SPAG17: variants seen among roughly 807,000 people sequenced by gnomAD.
SPAG17 encodes the protein sperm associated antigen 17.
SPAG17 carries 169 observed loss-of-function variants against 273.6 expected under a neutral mutation model. That is an observed-to-expected ratio of 0.62 (90% CI 0.55 to 0.70). The LOEUF (loss-of-function observed/expected upper bound fraction) is 0.70. Among genes scored for constraint, SPAG17 ranks in the 30% least tolerant of loss-of-function variants. SPAG17 has a pLI of 0.00. For missense variants in SPAG17, 2,557 were observed against 2,627.8 expected, an observed-to-expected ratio of 0.97 and a Z score of 0.59; for synonymous variants, 825 against 873.2, an observed-to-expected ratio of 0.94 and a Z score of 0.97.
intron 20 of SPAG17, among the ~76,000 whole-genome samples, chr1:118,048,914 A>C (rs559815316): frequency 6.6e-6 from 1 of 152,280 alleles, no homozygotes; most frequent in African/African-American, 2.4e-5. Flanking sequence ...AAAAATAAAA[A>C]ATAAAATACA....
chr1:118,081,058 TACACACAC>T (rs56768861), intron 15 of SPAG17, 35 bp downstream of exon 15: 24,733 of 1,131,138 alleles, frequency 0.022, 15 homozygotes, highest in Non-Finnish European at 0.025. Context: ...AATAGTGTCT[TACACACAC>T]ACACACACAC....
chr1:118,097,933 CATTGCAAGATAT>C, intron 6 of SPAG17, 82 bp from the exon 7 acceptor site: 3 of 912,606 alleles, frequency 3.3e-6, no homozygotes, highest in South Asian at 1.9e-5. Context: ...GAGTCATATG[CATTGCAAGATAT>C]CTGTACAGTA....
chr1:118,059,734 CATATG>C (rs1436255890), intron 18 of SPAG17, among the ~76,000 whole-genome samples: 4 of 152,056 alleles, frequency 2.6e-5, no homozygotes, highest in East Asian at 1.9e-4. Context: ...AAGCCTATTT[CATATG>C]ATATAAGTGT....
chr1:117,964,143 C>T lies in SPAG17; in HGVS notation c.6533-205G>A, dbSNP rs991182668. 15 of 486,828 alleles carry T rather than the reference C, an allele frequency of 3.1e-5. 1 individual carries two copies. The highest frequency in any genetic ancestry group is 4.4e-5 in the Non-Finnish European group (12 of 272,730). The allele number at this position is 486,828 out of a possible 1,614,324, so 30.2% of individuals were successfully genotyped here. The stretch of plus-strand genomic sequence containing the variant: ...ATGTCTAGAATGTCTTCTGTTCTCC[C>T]TAGTGTACATTTCTCTCCTAACTGT... On this transcript the variant is annotated intron_variant, in intron 47 of 48. Coordinates refer to ENST00000336338, the MANE Select transcript of SPAG17 (RefSeq NM_206996.4).
At chr1:118,142,838 T>A (rs913473875) in intron 3 of SPAG17, among the ~76,000 whole-genome samples, 1 of 152,218 alleles carries the variant, frequency 6.6e-6, no homozygotes, top group Admixed American at 6.5e-5. Flanking sequence ...ACTAGGTATA[T>A]CGCTCACCAA....
intron 31 of SPAG17, among the ~76,000 whole-genome samples, chr1:118,006,610 G>T (rs1191997527): frequency 2.0e-5 from 3 of 152,156 alleles, no homozygotes; most frequent in Non-Finnish European, 2.9e-5. Context: ...ACCTAGGAGT[G>T]GAATTGCTGG....
intron 4 of SPAG17, among the ~76,000 whole-genome samples, chr1:118,104,791 A>G (rs1323619366): frequency 6.6e-6 from 1 of 152,198 alleles, no homozygotes; most frequent in East Asian, 1.9e-4. Flanking sequence ...GGAAAATAGG[A>G]GGGCAGTATC....
At chr1:118,010,809 T>A (rs566195782) in intron 30 of SPAG17, among the ~76,000 whole-genome samples, 1 of 152,070 alleles carries the variant, frequency 6.6e-6, no homozygotes, top group Admixed American at 6.6e-5. Flanking sequence ...ATATACAAAC[T>A]ATGCATCTGA....
In SPAG17 at chr1:118,058,482, TAGGCATGAGCCACTGGGC is replaced by T. The variant is rs575977746; in HGVS notation, c.2541-2586_2541-2569del. ...TTGGCTTCCCAAAATGCTGGGAATA[TAGGCATGAGCCACTGGGC>T]TGGCCTCAAAGTGCTATTTAAAAGA... On this transcript the variant is annotated intron_variant, in intron 18 of 48. Coordinates refer to ENST00000336338, the MANE Select transcript of SPAG17 (RefSeq NM_206996.4). Among the ~76,000 whole-genome samples the T allele has an allele frequency of 4.6e-3, 694 of 152,270 alleles. 9 individuals carry two copies. Among genetic ancestry groups the T allele is most frequent in the African/African-American group, 0.016 (645 of 41,548 alleles).
Position 118,007,922 on chromosome 1 carries a change from T to A in SPAG17, c.4587+122A>T, listed in dbSNP as rs538158747. On this transcript the variant is annotated intron_variant, in intron 31 of 48. Transcript: ENST00000336338. ...GAAGTATATTCTAAGATGTTAGTAT[T>A]ATAAGAGAATGAAAGCAACAGCAGT... 4 of 957,414 alleles carry A rather than the reference T, an allele frequency of 4.2e-6. No homozygotes were observed. The African/African-American group carries it at 6.5e-5, about 16-fold the overall frequency. 59.3% of individuals were successfully genotyped at this position (957,414 alleles called of 1,614,324 possible).
intron 17 of SPAG17, among the ~76,000 whole-genome samples, chr1:118,072,180 A>C (rs1653666987): frequency 6.6e-6 from 1 of 152,244 alleles, no homozygotes; most frequent in Non-Finnish European, 1.5e-5. Context: ...TAAAGTATTG[A>C]GAAAAAATGC....
At chr1:118,133,017 C>T (rs1040965881) in intron 3 of SPAG17, among the ~76,000 whole-genome samples, 4 of 152,054 alleles carry the variant, frequency 2.6e-5, no homozygotes, top group African/African-American at 9.7e-5. Context: ...GTGATCTGCC[C>T]ACCTCAGCCT....
chr1:118,040,978 C>G (rs890928746), intron 21 of SPAG17, 137 bp from the exon 22 acceptor site: 6 of 662,168 alleles, frequency 9.1e-6, no homozygotes, highest in Admixed American at 8.0e-5. Flanking sequence ...GACTCAGAGG[C>G]CAGTGTTCAT....
intron 44 of SPAG17, among the ~76,000 whole-genome samples, chr1:117,973,218 T>C (rs1329446589): frequency 6.6e-6 from 1 of 152,208 alleles, no homozygotes; most frequent in Non-Finnish European, 1.5e-5. Context: ...CATCTGAGTT[T>C]ACATGTGTGA....
intron 19 of SPAG17, among the ~76,000 whole-genome samples, chr1:118,054,688 C>T (rs1382674051): frequency 6.6e-6 from 1 of 151,926 alleles, no homozygotes; most frequent in Non-Finnish European, 1.5e-5. Flanking sequence ...GGCAGCCCTA[C>T]CCATTTTTTT....
intron 48 of SPAG17, chr1:117,958,860 G>A (rs1344418855): frequency 6.2e-6 from 9 of 1,447,124 alleles, no homozygotes; most frequent in Admixed American, 3.6e-5. Flanking sequence ...GAAGGGTTAA[G>A]TAGGGCTAGA....
intron 45 of SPAG17, 25 bp from the exon 46 acceptor site, chr1:117,970,141 A>AAAAACAATCGTGTG: frequency 6.2e-7 from 1 of 1,601,910 alleles, no homozygotes. Context: ...GATAAAAATA[A>AAAAACAATCGTGTG]ATTTATGACA....
In SPAG17 at chr1:118,117,983, C is replaced by T. The variant is rs185064295; in HGVS notation, c.316-2542G>A. Among the ~76,000 whole-genome samples, 11 of 152,202 alleles carry T rather than the reference C, an allele frequency of 7.2e-5. No individual in the cohort carries two copies. In the East Asian group the frequency reaches 1.5e-3, roughly 21 times the overall value. On this transcript the variant is annotated intron_variant, in intron 3 of 48. Transcript: ENST00000336338. ...GTATATGGGTCATTCCCAAAAGAGG[C>T]GGAAAAAGAAAAATGTTTACAAATT...
At chr1:117,972,086 T>A in intron 44 of SPAG17, 39 bp from the exon 45 acceptor site, 2 of 1,545,704 alleles carry the variant, frequency 1.3e-6, no homozygotes, top group Non-Finnish European at 1.7e-6. Context: ...GGTTCTATTT[T>A]GAGTTCCCAA....
Sources: gnomAD v4.1 joint callset for allele counts (sites outside exome capture counted in the v4.1 genomes callset) on GRCh38, gnomAD v4.1.1 for gene constraint, MANE v1.5 for transcripts, NCBI Gene and HGNC (gene_info 2026-07-23, HGNC 2026-07-21) for gene names.